The following STK3 variants were observed in gnomAD, a reference collection of about 807,000 sequenced individuals.
STK3 encodes the protein serine/threonine-protein kinase 3.
In STK3, 41 loss-of-function variants were observed where a neutral mutation model predicts 58.0. That is an observed-to-expected ratio of 0.71 (90% confidence interval 0.55 to 0.92). STK3 has a LOEUF of 0.92. STK3 is among the 40% of genes least tolerant of loss of function. The probability of loss-of-function intolerance (pLI) is 0.00; values close to 1 mark genes in which losing one functional copy is unlikely to be tolerated. For missense variants in STK3, 479 were observed against 602.7 expected (o/e 0.79, Z 2.15); for synonymous variants, 170 against 191.0 (o/e 0.89, Z 0.91).
chr8:98,818,982 G>A (rs576149741), intron 1 of STK3, among the ~76,000 whole-genome samples: 4 of 152,116 alleles, frequency 2.6e-5, no homozygotes, highest in South Asian at 4.1e-4. Flanking sequence ...CACCATGCCC[G>A]GCTAATTTTT....
intron 6 of STK3, among the ~76,000 whole-genome samples, chr8:98,653,795 T>C (rs1268560218): frequency 1.3e-5 from 2 of 152,234 alleles, no homozygotes; most frequent in African/African-American, 4.8e-5. Flanking sequence ...AGAAGTTGAA[T>C]CTCTGAATAG....
chr8:98,660,710 C>G (rs1326977537), intron 6 of STK3, among the ~76,000 whole-genome samples: 1 of 152,086 alleles, frequency 6.6e-6, no homozygotes, highest in Non-Finnish European at 1.5e-5. Context: ...CAAGCCAAGA[C>G]TTTCTGCTTT....
At chr8:98,613,286 T>C (rs987739618) in intron 6 of STK3, among the ~76,000 whole-genome samples, 5 of 151,970 alleles carry the variant, frequency 3.3e-5, no homozygotes, top group African/African-American at 4.8e-5. Flanking sequence ...CAGAATATAA[T>C]GGGGAAATAG....
intron 6 of STK3, among the ~76,000 whole-genome samples, chr8:98,619,077 A>G (rs1818026491): frequency 6.6e-6 from 1 of 150,456 alleles, no homozygotes; most frequent in African/African-American, 2.5e-5. Context: ...CTACAAGGCT[A>G]CAGTAACCAA....
Position 98,792,534 on chromosome 8 carries a change from TA to T in STK3, c.27-17716del, listed in dbSNP as rs548891275. ...CAACATGGAGAAACCCCGCCCCTAC[TA>T]AAAAAAAATACAAAATTAGCTGGGC... is the stretch of plus-strand genomic sequence containing the variant. On this transcript the variant is annotated intron_variant, in intron 1 of 10. Transcript: ENST00000419617. Among the ~76,000 whole-genome samples, 543 of 150,822 alleles carry T rather than the reference TA, an allele frequency of 3.6e-3. 4 individuals are homozygous for T. The highest frequency in any genetic ancestry group is 0.013 in the South Asian group (63 of 4,740).
intron 3 of STK3, among the ~76,000 whole-genome samples, chr8:98,422,733 C>T (rs77463346): frequency 0.016 from 2,472 of 152,270 alleles, 65 homozygotes; most frequent in African/African-American, 0.057. Flanking sequence ...TCTGCCAAAC[C>T]GAGTGAGACG....
downstream of STK3, chr8:98,883,669 C>T (rs1010967355): frequency 4.3e-6 from 3 of 702,844 alleles, no homozygotes; most frequent in African/African-American, 5.2e-5. Context: ...TTTTCTTCTC[C>T]TTGTGTGCTC....
intron 1 of STK3, among the ~76,000 whole-genome samples, chr8:98,929,116 A>T (rs1028215131): frequency 1.3e-5 from 2 of 152,314 alleles, no homozygotes; most frequent in East Asian, 3.9e-4. Context: ...GAATACAAAA[A>T]TTAGCCAGGC....
intron 1 of STK3, among the ~76,000 whole-genome samples, chr8:98,384,140 CAT>C (rs1817766177): frequency 1.3e-5 from 2 of 152,238 alleles, no homozygotes; most frequent in African/African-American, 4.8e-5. Flanking sequence ...CATCCTCACT[CAT>C]GTGATAATAA....
Position 98,886,423 on chromosome 8 carries a change from G to A in STK3, c.-78-2589C>T, listed in dbSNP as rs542572026. ...AAATTTATTAAAACAAATGTTCAAT[G>A]CAATGTATTTGCAAGAGCAAAACAA... On this transcript the variant is annotated intron_variant, in intron 1 of 1. Transcript: ENST00000519420. 2.0e-5 allele frequency among the ~76,000 whole-genome samples: 3 copies of A among 152,302 alleles called. No individual in the cohort carries two copies. In the East Asian group the frequency reaches 5.8e-4, roughly 29 times the overall value.
intron 4 of STK3, among the ~76,000 whole-genome samples, chr8:98,733,353 C>T (rs1401002263): frequency 2.0e-5 from 3 of 152,172 alleles, no homozygotes; most frequent in African/African-American, 7.2e-5. Flanking sequence ...AGGTGAGTGG[C>T]GGGTGGGCAA....
chr8:98,491,669 A>G (rs1822713497), intron 10 of STK3, among the ~76,000 whole-genome samples: 2 of 152,192 alleles, frequency 1.3e-5, no homozygotes, highest in Non-Finnish European at 2.9e-5. Flanking sequence ...GCCCAACCTC[A>G]TCACCTAGGA....
chr8:98,859,252 T>A lies in STK3; in HGVS notation c.110+24395A>T, dbSNP rs75557261. 7.3e-3 allele frequency among the ~76,000 whole-genome samples: 1,112 copies of A among 152,312 alleles called. 22 individuals are homozygous for A. In the East Asian group the frequency reaches 0.084, roughly 11 times the overall value. ...GTGGTATTTCCTGAGGAAGCAATTC[T>A]GGGTCAGTCCAATTTAATGGTTTAT... On this transcript the variant is annotated intron_variant, in intron 3 of 12. Coordinates refer to the STK3 transcript ENST00000523601.
At chr8:98,650,221 T>A (rs1820770659) in intron 6 of STK3, among the ~76,000 whole-genome samples, 1 of 152,262 alleles carries the variant, frequency 6.6e-6, no homozygotes, top group Non-Finnish European at 1.5e-5. Context: ...TTTCATTTTT[T>A]ACCTCATTCA....
intron 3 of STK3, among the ~76,000 whole-genome samples, chr8:98,406,439 C>T (rs1477154887): frequency 6.6e-6 from 1 of 151,998 alleles, no homozygotes; most frequent in Non-Finnish European, 1.5e-5. Flanking sequence ...TCAACCCTTC[C>T]CCTACTCCCA....
At chr8:98,831,879 C>A (rs1000006679) in intron 3 of STK3, among the ~76,000 whole-genome samples, 11 of 152,120 alleles carry the variant, frequency 7.2e-5, no homozygotes, top group Admixed American at 7.2e-4. Context: ...CACTGTGAAC[C>A]TCTTGGGAAT....
At chr8:98,409,396 A>G (rs751720305) in intron 3 of STK3, among the ~76,000 whole-genome samples, 1 of 152,170 alleles carries the variant, frequency 6.6e-6, no homozygotes, top group Non-Finnish European at 1.5e-5. Flanking sequence ...GGAGCCCGTG[A>G]GGCACTGACC....
intron 6 of STK3, among the ~76,000 whole-genome samples, chr8:98,613,384 C>T (rs1380488841): frequency 6.6e-6 from 1 of 151,730 alleles, no homozygotes; most frequent in African/African-American, 2.4e-5. Context: ...TAAAAGTCAA[C>T]ACCAAAAAAA....
chr8:98,352,985 T>C, the STK3 span, among the ~76,000 whole-genome samples: 2 of 152,300 alleles, frequency 1.3e-5, no homozygotes, highest in Admixed American at 1.3e-4. Context: ...TGTGGGAAAA[T>C]GATTGCTTAT....
Sources: gnomAD v4.1 joint callset for allele counts (sites outside exome capture counted in the v4.1 genomes callset) on GRCh38, gnomAD v4.1.1 for gene constraint, MANE v1.5 for transcripts, NCBI Gene and HGNC (gene_info 2026-07-23, HGNC 2026-07-21) for gene names.